The following CRY1 variants were observed in gnomAD, a reference collection of about 807,000 sequenced individuals.
CRY1 encodes the protein cryptochrome circadian regulator 1, also known as cryptochrome-1.
A neutral mutation model predicts 76.0 loss-of-function variants in CRY1; 45 were observed. That is an observed-to-expected ratio of 0.59 (90% CI 0.47 to 0.76). The LOEUF is 0.76. Ranked by LOEUF, CRY1 falls within the 30% of genes least tolerant of loss-of-function variation. CRY1 has a pLI of 0.00. For synonymous variants in CRY1, 248 were observed against 244.0 expected (o/e 1.02, Z -0.15); for missense variants, 587 against 716.4 (o/e 0.82, Z 2.06).
chr12:107,021,972 A>G, intron 2 of CRY1, 112 bp downstream of exon 2: 1 of 792,324 alleles, frequency 1.3e-6, no homozygotes, highest in Non-Finnish European at 2.0e-6. Flanking sequence ...CAAAATTTTT[A>G]CTTGAAAATA....
rs1000660446 is a variant in CRY1 at position 107,073,727 on chromosome 12, C to T, written c.158+19077G>A. Among the ~76,000 whole-genome samples the T allele has an allele frequency of 5.3e-5, 8 of 151,978 alleles. No individual in the cohort carries two copies. In the East Asian group the frequency reaches 7.7e-4, roughly 15 times the overall value. On this transcript the variant is annotated intron_variant, in intron 1 of 12. Transcript: ENST00000008527. ...CTGGGCGACCAATTGAGACAGAGTC[C>T]GTTTCAAAAAAATAGAAAAGACTGC...
At chr12:107,091,320 G>A (rs1282312016) in intron 1 of CRY1, among the ~76,000 whole-genome samples, 3 of 152,162 alleles carry the variant, frequency 2.0e-5, no homozygotes, top group South Asian at 4.1e-4. Context: ...GAGCCACCGC[G>A]CCCAGCCTAA....
intron 1 of CRY1, among the ~76,000 whole-genome samples, chr12:107,083,625 T>C: frequency 6.6e-6 from 1 of 152,120 alleles, no homozygotes; most frequent in Non-Finnish European, 1.5e-5. Context: ...GAAAAGGCCT[T>C]GGACAAAATT....
intron 2 of CRY1, among the ~76,000 whole-genome samples, chr12:107,011,369 AAAAC>A (rs1362686956): frequency 2.0e-5 from 3 of 152,126 alleles, no homozygotes; most frequent in African/African-American, 7.2e-5. Flanking sequence ...ACAAAAAAAA[AAAAC>A]AAAAAAGAAA....
intron 10 of CRY1, among the ~76,000 whole-genome samples, chr12:106,994,616 T>C (rs1952213507): frequency 6.6e-6 from 1 of 152,232 alleles, no homozygotes; most frequent in African/African-American, 2.4e-5. Flanking sequence ...AACTACCCTA[T>C]ATACATTTGT....
At chr12:106,996,251 C>T (rs1180484017) in intron 10 of CRY1, among the ~76,000 whole-genome samples, 1 of 152,186 alleles carries the variant, frequency 6.6e-6, no homozygotes, top group Non-Finnish European at 1.5e-5. Flanking sequence ...CCTTAGTTTG[C>T]TGAGGATAAT....
chr12:107,085,626 C>T (rs1446320327), intron 1 of CRY1, among the ~76,000 whole-genome samples: 1 of 151,908 alleles, frequency 6.6e-6, no homozygotes, highest in Non-Finnish European at 1.5e-5. Flanking sequence ...CACATGGACA[C>T]GGGGAGGGGA....
At chr12:106,998,259 T>C (rs962375703) in intron 7 of CRY1, among the ~76,000 whole-genome samples, 193 bp from the exon 8 acceptor site, 2 of 152,192 alleles carry the variant, frequency 1.3e-5, no homozygotes, top group African/African-American at 2.4e-5. Flanking sequence ...ATAGTGGTAA[T>C]ATAGTATGCT....
chr12:107,047,834 T>C (rs1952867867), intron 1 of CRY1, among the ~76,000 whole-genome samples: 1 of 151,744 alleles, frequency 6.6e-6, no homozygotes, highest in Admixed American at 6.6e-5. Context: ...ATAAACAATC[T>C]AACAATGCAT....
At chr12:107,071,104 C>A (rs1953186202) in intron 1 of CRY1, among the ~76,000 whole-genome samples, 1 of 152,108 alleles carries the variant, frequency 6.6e-6, no homozygotes, top group South Asian at 2.1e-4. Context: ...TTTACTTCCT[C>A]TTCCATTTTT....
At position 106,993,029 on chromosome 12, in the gene CRY1, A is replaced by G; in HGVS notation, c.1593T>C (p.Ser531=). The change falls in exon 11 of 13, where the codon TCT becomes TCC. Residue 531 remains serine (S), a synonymous_variant. Coordinates refer to ENST00000008527, the MANE Select transcript of CRY1 (RefSeq NM_004075.5). ...IPGCSSSGSC[S]QGSGILHYAH... ...CATAGTGTAAAATACCACTCCCTTG[A>G]GAGCAACCTGTTAGTATTTAAAACA... The G allele has an allele frequency of 6.2e-7, 1 of 1,614,010 alleles. No individual in the cohort carries two copies. The highest frequency in any genetic ancestry group is 8.5e-7 in the Non-Finnish European group (1 of 1,179,860).
chr12:106,994,610 A>G (rs997425560), intron 10 of CRY1, among the ~76,000 whole-genome samples: 8 of 152,226 alleles, frequency 5.3e-5, no homozygotes, highest in African/African-American at 1.9e-4. Context: ...ATAATAAACT[A>G]CCCTATATAC....
rs912849305 is a variant in CRY1 at position 107,015,182 on chromosome 12, G to T, written c.267+6902C>A. Among the ~76,000 whole-genome samples, 3 of 152,010 alleles carry T rather than the reference G, an allele frequency of 2.0e-5. No individual in the cohort carries two copies. The East Asian group carries it at 5.8e-4, about 29-fold the overall frequency. ...TGAGCCACCACGCCCAGCCTTTAAA[G>T]ACTTTATTTTCTCAATTCTCTAACG... On this transcript the variant is annotated intron_variant, in intron 2 of 12. Coordinates refer to ENST00000008527, the MANE Select transcript of CRY1 (RefSeq NM_004075.5).
intron 1 of CRY1, among the ~76,000 whole-genome samples, chr12:107,034,440 G>A (rs1952711645): frequency 6.6e-6 from 1 of 152,018 alleles, no homozygotes; most frequent in Admixed American, 6.6e-5. Context: ...TCTGTCTATG[G>A]ACTGGCCATT....
At chr12:106,994,267 T>C (rs1256240407) in intron 10 of CRY1, among the ~76,000 whole-genome samples, 3 of 152,222 alleles carry the variant, frequency 2.0e-5, no homozygotes, top group Admixed American at 6.5e-5. Flanking sequence ...CTTTTCACAA[T>C]TTCCCATTTC....
chr12:107,050,681 G>A (rs1420549933), intron 1 of CRY1, among the ~76,000 whole-genome samples: 1 of 152,176 alleles, frequency 6.6e-6, no homozygotes, highest in Non-Finnish European at 1.5e-5. Context: ...AGTCTGAGAT[G>A]TTCCCTCATA....
chr12:107,078,838 C>T (rs141439876), intron 1 of CRY1, among the ~76,000 whole-genome samples: 128 of 152,268 alleles, frequency 8.4e-4, no homozygotes, highest in Admixed American at 2.4e-3. Context: ...CCTCACCCTC[C>T]TCCTCTGTGA....
At chr12:107,061,011 C>G (rs1953039942) in intron 1 of CRY1, among the ~76,000 whole-genome samples, 1 of 151,962 alleles carries the variant, frequency 6.6e-6, no homozygotes, top group Admixed American at 6.6e-5. Flanking sequence ...AAAATTATTT[C>G]TCTTTACTGA....
At chr12:107,021,676 A>C (rs1468385750) in intron 2 of CRY1, among the ~76,000 whole-genome samples, 1 of 152,130 alleles carries the variant, frequency 6.6e-6, no homozygotes, top group East Asian at 1.9e-4. Context: ...AGACACAAAC[A>C]CATGGATGTG....
Sources: allele counts gnomAD v4.1 joint callset (sites outside exome capture counted in the v4.1 genomes callset), GRCh38; gene constraint gnomAD v4.1.1; transcripts MANE v1.5; gene names NCBI Gene and HGNC (gene_info 2026-07-23, HGNC 2026-07-21).